The following PSD4 variants were observed in gnomAD, a reference collection of about 807,000 sequenced individuals.
PSD4 encodes the protein pleckstrin and Sec7 domain containing 4.
PSD4 carries 59 observed loss-of-function variants against 112.5 expected under a neutral mutation model. That is an observed-to-expected ratio of 0.52 (90% CI 0.43 to 0.65). PSD4 has a LOEUF of 0.65. PSD4 is among the 30% of genes least tolerant of loss of function. The probability of loss-of-function intolerance (pLI) is 0.00; values close to 1 mark genes in which losing one functional copy is unlikely to be tolerated. For synonymous variants in PSD4, 533 were observed against 540.0 expected (o/e 0.99, Z 0.18); for missense variants, 1,267 against 1,352.6 (o/e 0.94, Z 0.99).
chr2:113,193,707 A>T, intron 9 of PSD4, 57 bp downstream of exon 9: 1 of 1,581,362 alleles, frequency 6.3e-7, no homozygotes, highest in Non-Finnish European at 8.7e-7. Context: ...GGGTGCGGGG[A>T]GGAGAAGACC....
intron 12 of PSD4, chr2:113,197,104 T>C (rs1688634717): frequency 4.5e-6 from 1 of 223,600 alleles, no homozygotes; most frequent in Non-Finnish European, 9.0e-6. Context: ...AGAGGGCAGG[T>C]GGTGCTCAGA....
rs148314800 is a variant in PSD4, at chr2:113,178,611, T to C, written c.-111-3735T>C. On this transcript the variant is annotated intron_variant, in intron 1 of 16. Transcript: ENST00000245796. ...ACAAGTGGGGTTTCCTCTCATCTTA[T>C]GAAAAATTCAGGATGTCCTTTCTAG... is the stretch of plus-strand genomic sequence containing the variant. Among the ~76,000 whole-genome samples the C allele has an allele frequency of 2.0e-5, 3 of 152,206 alleles. No homozygotes were observed. In the East Asian group the frequency reaches 5.8e-4, roughly 29 times the overall value.
rs934261198 is a variant in PSD4, at chr2:113,193,732, G to A, written c.2091+82G>A. On this transcript the variant is annotated intron_variant, in intron 9 of 16. Coordinates refer to ENST00000245796, the MANE Select transcript of PSD4 (RefSeq NM_012455.3). The stretch of plus-strand genomic sequence containing the variant: ...AGGAGAAGACCAGAGGCCTGAGACC[G>A]GGCAGGGAACACCCCTGAGGGATGT... The A allele has an allele frequency of 4.4e-5, 68 of 1,561,680 alleles. 1 individual carries two copies. Among genetic ancestry groups the A allele is most frequent in the African/African-American group, 1.2e-4 (9 of 73,600 alleles).
At chr2:113,184,226 C>T (rs912164848) in intron 2 of PSD4, among the ~76,000 whole-genome samples, 9 of 152,192 alleles carry the variant, frequency 5.9e-5, no homozygotes, top group Non-Finnish European at 1.3e-4. Flanking sequence ...AGAGCTATTA[C>T]CCAGAGCAGC....
rs528356128 is a variant in PSD4 at position 113,204,434 on chromosome 2, T to G, written c.*3019T>G. 6.6e-6 allele frequency: 1 copy of G among 152,470 alleles called. No homozygotes were observed. Among genetic ancestry groups the G allele is most frequent in the South Asian group, 2.1e-4 (1 of 4,834 alleles). The allele number at this position is 152,470 out of a possible 1,614,324, so 9.4% of individuals were successfully genotyped here. On this transcript the variant is annotated 3_prime_UTR_variant, in exon 17 of 17. Transcript: ENST00000245796. ...CAGGCTCCAGTCCCCATCCTAGGTA[T>G]GGAACAGATCAAACCACCACAGGCC...
chr2:113,190,431 G>A (rs1201693475), intron 5 of PSD4, among the ~76,000 whole-genome samples: 2 of 152,072 alleles, frequency 1.3e-5, no homozygotes, highest in Non-Finnish European at 1.5e-5. Context: ...TTTCAAAACA[G>A]CTGTTATTAT....
intron 5 of PSD4, among the ~76,000 whole-genome samples, chr2:113,188,735 T>G (rs1387553624): frequency 1.3e-5 from 2 of 152,030 alleles, no homozygotes; most frequent in East Asian, 3.9e-4. Context: ...CGCCCGCCAC[T>G]GCGCCCGGCT....
intron 5 of PSD4, among the ~76,000 whole-genome samples, 181 bp downstream of exon 5, chr2:113,186,436 C>G (rs1688302244): frequency 6.6e-6 from 1 of 152,206 alleles, no homozygotes; most frequent in African/African-American, 2.4e-5. Context: ...TCAGAAGCAT[C>G]AGAAACAAAA....
In PSD4 at chr2:113,196,178, G is replaced by A. The variant is rs767097557; in HGVS notation, c.2257G>A (p.Ala753Thr). 4 of 1,613,516 alleles carry A rather than the reference G, an allele frequency of 2.5e-6. No homozygotes were observed. The Admixed American group carries it at 5.0e-5, about 20-fold the overall frequency. ...AGAAGACACAGCCAGACCTGAGAAG[G>A]CCCAGCCGTCCCTGCCAGCTGGCAA... ...DEEDTARPEK[A>T]QPSLPAGKMS... The change falls in exon 12 of 17, where the codon GCC becomes ACC. Residue 753 changes from alanine to threonine, a missense_variant. By Grantham distance (58) the Ala-to-Thr change is moderately conservative (BLOSUM62 0). Around this residue, in one of 2 missense-constraint regions of PSD4, gnomAD observed 544 missense variants for 648.6 expected, o/e 0.84. Transcript: ENST00000245796.
intron 16 of PSD4, among the ~76,000 whole-genome samples, 200 bp from the exon 17 acceptor site, chr2:113,200,958 A>ATAG: frequency 6.6e-6 from 1 of 152,190 alleles, no homozygotes; most frequent in Admixed American, 6.5e-5. Flanking sequence ...GATATGTGTC[A>ATAG]TTATAATACT....
rs533091835 is a variant in PSD4, at chr2:113,195,382, G to A, written c.2182-345G>A. ...TCATCATGTTGGCCAGGCTGGTCTCGAACTCCTGACTTCAAGTGATCCACC... is the reference window on the plus strand; with the variant it reads ...TCATCATGTTGGCCAGGCTGGTCTCAAACTCCTGACTTCAAGTGATCCACC... On this transcript the variant is annotated intron_variant, in intron 10 of 16. Coordinates refer to ENST00000245796, the MANE Select transcript of PSD4 (RefSeq NM_012455.3). Among the ~76,000 whole-genome samples, 19 of 152,076 alleles carry A rather than the reference G, an allele frequency of 1.2e-4. 1 individual carries two copies. In the Middle Eastern group the frequency reaches 0.024, roughly 191 times the overall value.
Position 113,201,287 on chromosome 2 carries a change from A to G in PSD4, c.3043A>G (p.Lys1015Glu). Residue 1015 changes from lysine (K) to glutamate (E), a missense_variant, in exon 17 of 17, where the codon AAG (lysine) becomes GAG (glutamate). Coordinates refer to ENST00000245796, the MANE Select transcript of PSD4 (RefSeq NM_012455.3). Reference sequence around the variant, plus strand: ...CACTCGGGAGCCCAAGCTCAGCCTGAAGAAGTCCCACTCGAGCCCGTCCCT... The same window carrying G: ...CACTCGGGAGCCCAAGCTCAGCCTGGAGAAGTCCCACTCGAGCCCGTCCCT... ...GGTREPKLSLKKSHSSPSLHQ... is the reference protein window; with the variant it reads ...GGTREPKLSLEKSHSSPSLHQ... 1 of 1,614,194 alleles carries G rather than the reference A, an allele frequency of 6.2e-7. No homozygotes were observed. Among genetic ancestry groups the G allele is most frequent in the Non-Finnish European group, 8.5e-7 (1 of 1,180,030 alleles).
At chr2:113,184,893 G>A in intron 2 of PSD4, 64 bp from the exon 3 acceptor site, 2 of 1,601,462 alleles carry the variant, frequency 1.2e-6, no homozygotes, top group South Asian at 1.1e-5. Context: ...AAGGCCCTGG[G>A]AGCAATTTTC....
At chr2:113,180,107 G>A (rs1311645925) in intron 1 of PSD4, among the ~76,000 whole-genome samples, 9 of 152,194 alleles carry the variant, frequency 5.9e-5, no homozygotes, top group Admixed American at 2.0e-4. Context: ...AAGGCGTGGG[G>A]CAAAGCAATG....
At position 113,193,847 on chromosome 2, in the gene PSD4, C is replaced by T; in HGVS notation, c.2092-12C>T. 1 of 1,613,482 alleles carries T rather than the reference C, an allele frequency of 6.2e-7. No homozygotes were observed. ...TGTGTGCTCGAGTCATCCCACTTCT[C>T]CGTGGCTACAGAACATTGGGAAGAG... On this transcript the variant is annotated splice_polypyrimidine_tract_variant and intron_variant, in intron 9 of 16. Coordinates refer to ENST00000245796, the MANE Select transcript of PSD4 (RefSeq NM_012455.3).
Position 113,184,813 on chromosome 2 carries a change from G to C in PSD4, c.1057-144G>C, listed in dbSNP as rs1688245029. ...CCTCCCTAAAACACAGCCCCTCCTT[G>C]GGCTGGCACCACCTGAGGCAGGGCC... On this transcript the variant is annotated intron_variant, in intron 2 of 16. Transcript: ENST00000245796. 5.9e-5 allele frequency: 71 copies of C among 1,211,972 alleles called. 1 individual carries two copies. In the South Asian group the frequency reaches 1.0e-3, roughly 17 times the overall value. The allele number at this position is 1,211,972 out of a possible 1,614,324, so 75.1% of individuals were successfully genotyped here. A position where few individuals can be genotyped will look rare whatever the true frequency, so the allele number is the denominator to read the frequency against.
rs753303844 is a variant in PSD4 at position 113,193,919 on chromosome 2, G to T, written c.2152G>T (p.Gly718Cys). 2.8e-5 allele frequency: 45 copies of T among 1,614,202 alleles called. No homozygotes were observed. In the East Asian group the frequency reaches 9.8e-4, roughly 35 times the overall value. Residue 718 changes from glycine to cysteine, a missense_variant, in exon 10 of 17, where the codon GGC (glycine) becomes TGC (cysteine). This residue lies in a region of PSD4 where 544 missense variants were observed against 648.6 expected (regional missense o/e 0.84). Coordinates refer to ENST00000245796, the MANE Select transcript of PSD4 (RefSeq NM_012455.3). Reference protein sequence around the residue: ...FITNLNGLRDGGNFPKELLKA... With the variant: ...FITNLNGLRDCGNFPKELLKA... ...AACCAACCTGAATGGGCTGAGGGATGGCGGGAACTTCCCCAAGGAGCTGCT... is the reference window on the plus strand; with the variant it reads ...AACCAACCTGAATGGGCTGAGGGATTGCGGGAACTTCCCCAAGGAGCTGCT...
chr2:113,185,594 T>A, intron 4 of PSD4, 154 bp downstream of exon 4: 1 of 1,555,082 alleles, frequency 6.4e-7, no homozygotes, highest in Non-Finnish European at 8.7e-7. Flanking sequence ...ATCCTGCCTC[T>A]TTAAAATTAA....
At chr2:113,193,237 G>A (rs1688506314) in intron 7 of PSD4, 21 bp from the exon 8 acceptor site, 1 of 1,580,780 alleles carries the variant, frequency 6.3e-7, no homozygotes, top group African/African-American at 1.4e-5. Context: ...CTCTCTCCTT[G>A]ACCCTGGCCC....
Sources: gnomAD v4.1 joint callset for allele counts (sites outside exome capture counted in the v4.1 genomes callset) on GRCh38, gnomAD v4.1.1 for gene constraint, gnomAD v4.1.1 regional missense constraint, MANE v1.5 for transcripts, NCBI Gene and HGNC (gene_info 2026-07-23, HGNC 2026-07-21) for gene names.